The following GANC variants were observed in gnomAD, a reference collection of about 807,000 sequenced individuals.
GANC encodes glucosidase alpha, neutral C.
Under a neutral mutation model 124.2 loss-of-function variants are expected in GANC, and 117 were observed. The observed-to-expected ratio is 0.94, with a 90% CI of 0.81 to 1.10. The LOEUF (loss-of-function observed/expected upper bound fraction) is 1.10. Among genes scored for constraint, GANC ranks in the 50% least tolerant of loss-of-function variants. The probability of loss-of-function intolerance (pLI) is 0.00; values close to 1 mark genes in which losing one functional copy is unlikely to be tolerated. For missense variants in GANC, 1,140 were observed against 1,095.0 expected, an observed-to-expected ratio of 1.04 and a Z score of -0.58; for synonymous variants, 377 against 376.8, an observed-to-expected ratio of 1.00 and a Z score of -0.01.
chr15:42,322,198 C>A (rs1448964244), intron 11 of GANC, among the ~76,000 whole-genome samples, 178 bp downstream of exon 11: 1 of 152,138 alleles, frequency 6.6e-6, no homozygotes, highest in Admixed American at 6.5e-5. Flanking sequence ...AAGGTGATGA[C>A]CCCATCCATT....
rs2051740077 is a variant in GANC at position 42,282,124 on chromosome 15, C to T, written c.201+3534C>T. Among the ~76,000 whole-genome samples the T allele has an allele frequency of 2.0e-5, 3 of 152,122 alleles. No homozygotes were observed. In the South Asian group the frequency reaches 6.2e-4, roughly 32 times the overall value. On this transcript the variant is annotated intron_variant, in intron 3 of 23. Coordinates refer to ENST00000318010, the MANE Select transcript of GANC (RefSeq NM_198141.3). The stretch of plus-strand genomic sequence containing the variant: ...GATCACGAGGTCAGGAGTTCAAGAC[C>T]AGCCTGACCAACATGGTAAAACCCG...
chr15:42,289,834 A>G (rs1247855436), intron 4 of GANC, among the ~76,000 whole-genome samples: 5 of 152,186 alleles, frequency 3.3e-5, no homozygotes, highest in Non-Finnish European at 7.3e-5. Flanking sequence ...GCAGTAAATA[A>G]GTTAAAATGG....
intron 4 of GANC, among the ~76,000 whole-genome samples, chr15:42,288,366 C>G (rs905108769): frequency 5.3e-5 from 8 of 152,146 alleles, no homozygotes; most frequent in African/African-American, 1.7e-4. Flanking sequence ...GGGACTAAAG[C>G]ATTTTCAAGT....
chr15:42,326,329 T>C lies in GANC; in HGVS notation c.1325T>C (p.Ile442Thr), dbSNP rs770522178. Residue 442 changes from isoleucine to threonine, a missense_variant, in exon 12 of 24, where the codon ATT becomes ACT. Ile to Thr is a moderately conservative substitution (Grantham distance 89). Transcript: ENST00000318010. ...GTCATCAGTGATCCCCACATCAAGA[T>C]TGATCCTGACTACTCAGTATATGTG... Reference protein sequence around the residue: ...LVVISDPHIKIDPDYSVYVKA... With the variant: ...LVVISDPHIKTDPDYSVYVKA... The C allele has an allele frequency of 2.0e-5, 33 of 1,613,912 alleles. No homozygotes were observed. Among genetic ancestry groups the C allele is most frequent in the Middle Eastern group, 1.6e-4 (1 of 6,084 alleles).
In GANC at chr15:42,273,526, C is replaced by T. The variant is rs929303818; in HGVS notation, c.-956C>T. The stretch of plus-strand genomic sequence containing the variant: ...AACGTCGCGGAGCTTGTTTGCTGTG[C>T]GGCGTAGCGGCCCCTCTCTCAGACA... On this transcript the variant is annotated 5_prime_UTR_variant, in exon 1 of 24. Coordinates refer to ENST00000318010, the MANE Select transcript of GANC (RefSeq NM_198141.3). 1.0e-5 allele frequency: 15 copies of T among 1,444,592 alleles called. No homozygotes were observed. Among genetic ancestry groups the T allele is most frequent in the African/African-American group, 1.4e-5 (1 of 70,896 alleles). 89.5% of individuals were successfully genotyped at this position (1,444,592 alleles called of 1,614,324 possible).
chr15:42,293,199 C>T (rs375117249), intron 5 of GANC, among the ~76,000 whole-genome samples: 1 of 152,176 alleles, frequency 6.6e-6, no homozygotes, highest in Non-Finnish European at 1.5e-5. Context: ...CTCTGTTGAC[C>T]TGACAAATGT....
chr15:42,306,748 G>C, intron 7 of GANC, 136 bp downstream of exon 7: 1 of 618,200 alleles, frequency 1.6e-6, no homozygotes, highest in Non-Finnish European at 2.9e-6. Flanking sequence ...GATCAGATTT[G>C]CTATCCTTCA....
intron 19 of GANC, 85 bp downstream of exon 19, chr15:42,343,239 G>A: frequency 1.6e-6 from 2 of 1,235,704 alleles, no homozygotes; most frequent in South Asian, 1.2e-5. Context: ...TCTTCATCAT[G>A]TGTTTGTGAA....
Position 42,310,481 on chromosome 15 carries a change from G to A in GANC, c.903+18G>A. 1 of 1,573,540 alleles carries A rather than the reference G, an allele frequency of 6.4e-7. No individual in the cohort carries two copies. The highest frequency in any genetic ancestry group is 8.6e-7 in the Non-Finnish European group (1 of 1,157,554). On this transcript the variant is annotated intron_variant, in intron 9 of 23. Transcript: ENST00000318010. ...CAGTAGAGGTGAGCTATTTATCATG[G>A]CTACATGTCATACTTAAAGAAGAAA...
rs199568441 is a variant in GANC at position 42,276,392 on chromosome 15, A to G, written c.74A>G (p.Asn25Ser). The change falls in exon 2 of 24, where the codon AAC becomes AGC. Residue 25 changes from asparagine to serine, a missense_variant. Transcript: ENST00000318010. The stretch of plus-strand genomic sequence containing the variant: ...GATAAAAACATTTTCAGAGACTGTA[A>G]CAAGATCGCATTTTACAGGTAAGGA... ...AVDKNIFRDCNKIAFYRRQKQ... is the reference protein window; with the variant it reads ...AVDKNIFRDCSKIAFYRRQKQ... 151 of 1,432,838 alleles carry G rather than the reference A, an allele frequency of 1.1e-4. No homozygotes were observed. The highest frequency in any genetic ancestry group is 1.4e-4 in the Non-Finnish European group (145 of 1,017,882). The allele number at this position is 1,432,838 out of a possible 1,614,324, so 88.8% of individuals were successfully genotyped here.
Position 42,348,084 on chromosome 15 carries a change from G to A in GANC, c.2305-19G>A. 7.3e-7 allele frequency: 1 copy of A among 1,366,500 alleles called. No homozygotes were observed. The highest frequency in any genetic ancestry group is 1.0e-6 in the Non-Finnish European group (1 of 981,896). The allele number at this position is 1,366,500 out of a possible 1,614,324, so 84.6% of individuals were successfully genotyped here. The stretch of plus-strand genomic sequence containing the variant: ...TCTTATATGAATACTGCTTCCCTGA[G>A]CGTGCTGCTCTGTTACAGATTCCAG... On this transcript the variant is annotated intron_variant, in intron 20 of 23. Coordinates refer to ENST00000318010, the MANE Select transcript of GANC (RefSeq NM_198141.3).
chr15:42,326,404 T>A lies in GANC; in HGVS notation c.1400T>A (p.Phe467Tyr), dbSNP rs938151269. The change falls in exon 12 of 24, where the codon TTT becomes TAT. Residue 467 changes from phenylalanine to tyrosine, a missense_variant. Coordinates refer to ENST00000318010, the MANE Select transcript of GANC (RefSeq NM_198141.3). ...FFVKNQEGED[F>Y]EGVCWPGLSS... The stretch of plus-strand genomic sequence containing the variant: ...GTGAAGAATCAGGAAGGGGAAGACT[T>A]TGAAGGGGTGTGTTGGCCAGGTATG... The A allele has an allele frequency of 6.2e-7, 1 of 1,613,962 alleles. No homozygotes were observed. The highest frequency in any genetic ancestry group is 1.3e-5 in the African/African-American group (1 of 75,020).
rs749636526 is a variant in GANC, at chr15:42,278,638, T to C, written c.201+48T>C. 8 of 1,351,148 alleles carry C rather than the reference T, an allele frequency of 5.9e-6. No individual in the cohort carries two copies. The Admixed American group carries it at 7.4e-5, about 12-fold the overall frequency. The allele number at this position is 1,351,148 out of a possible 1,614,324, so 83.7% of individuals were successfully genotyped here. ...AGAGAATAATTTGTTTCTGTATTTATTGGGCCTGAATGAAGTAAATTAAAG... is the reference window on the plus strand; with the variant it reads ...AGAGAATAATTTGTTTCTGTATTTACTGGGCCTGAATGAAGTAAATTAAAG... On this transcript the variant is annotated intron_variant, in intron 3 of 23. Coordinates refer to ENST00000318010, the MANE Select transcript of GANC (RefSeq NM_198141.3).
intron 6 of GANC, 69 bp downstream of exon 6, chr15:42,297,725 T>C (rs765904664): frequency 2.0e-5 from 22 of 1,127,098 alleles, no homozygotes; most frequent in Non-Finnish European, 2.9e-5. Flanking sequence ...ATATAAGGAA[T>C]TCTCTTTCTT....
In GANC at chr15:42,287,679, A is replaced by G; in HGVS notation, c.202-12A>G. 1 of 1,608,832 alleles carries G rather than the reference A, an allele frequency of 6.2e-7. No homozygotes were observed. The highest frequency in any genetic ancestry group is 8.5e-7 in the Non-Finnish European group (1 of 1,178,172). On this transcript the variant is annotated splice_polypyrimidine_tract_variant and intron_variant, in intron 3 of 23. Coordinates refer to ENST00000318010, the MANE Select transcript of GANC (RefSeq NM_198141.3). ...TAACCTGTTGAAGGTAATCTCTTGT[A>G]TCTGTTTCCAGGTTCCTCTCCTGGC... is the stretch of plus-strand genomic sequence containing the variant.
chr15:42,316,838 C>T (rs943214618), intron 10 of GANC, among the ~76,000 whole-genome samples: 7 of 152,192 alleles, frequency 4.6e-5, no homozygotes, highest in Admixed American at 1.3e-4. Flanking sequence ...CTCAAGCGGC[C>T]CTTATGCGGG....
In GANC at chr15:42,273,436, C is replaced by T. The variant is rs1220942408; in HGVS notation, c.-1046C>T. 5.0e-6 allele frequency: 8 copies of T among 1,611,576 alleles called. No individual in the cohort carries two copies. The highest frequency in any genetic ancestry group is 2.2e-5 in the South Asian group (2 of 91,002). ...GGAGTGCCTACCGAAAGCATTTCAC[C>T]CTCTTCCGGTTCGTCCCGCCTTCTT... On this transcript the variant is annotated 5_prime_UTR_variant, in exon 1 of 24. Coordinates refer to ENST00000318010, the MANE Select transcript of GANC (RefSeq NM_198141.3).
chr15:42,308,784 C>T (rs752347330), intron 8 of GANC, among the ~76,000 whole-genome samples: 17 of 151,984 alleles, frequency 1.1e-4, no homozygotes, highest in Admixed American at 2.6e-4. Flanking sequence ...CGTGCCTGGC[C>T]GGTTTTCCAG....
intron 3 of GANC, among the ~76,000 whole-genome samples, chr15:42,279,057 GT>G (rs1197812031): frequency 6.6e-6 from 1 of 152,156 alleles, no homozygotes; most frequent in African/African-American, 2.4e-5. Flanking sequence ...TAATAATATT[GT>G]AATAGGTATA....
Sources: gnomAD v4.1 joint callset for allele counts (sites outside exome capture counted in the v4.1 genomes callset) on GRCh38, gnomAD v4.1.1 for gene constraint, MANE v1.5 for transcripts, NCBI Gene and HGNC (gene_info 2026-07-23, HGNC 2026-07-21) for gene names.